MAML2: variants seen among roughly 807,000 people sequenced by gnomAD.
The protein encoded by MAML2 is mastermind-like protein 2.
Under a neutral mutation model 96.1 loss-of-function variants are expected in MAML2, and 22 were observed. The ratio of observed to expected loss-of-function variants is 0.23; its 90% CI spans 0.16 to 0.33. The LOEUF is 0.33. MAML2 is among the 10% of genes least tolerant of loss of function. The pLI, the probability that MAML2 is intolerant of heterozygous loss-of-function variation, is 1.00. For synonymous variants in MAML2, 561 were observed against 521.3 expected, an observed-to-expected ratio of 1.08 and a Z score of -1.04; for missense variants, 1,367 against 1,392.4, an observed-to-expected ratio of 0.98 and a Z score of 0.29.
intron 1 of MAML2, among the ~76,000 whole-genome samples, chr11:96,299,055 AAAAAAATATATATATATAT>A (rs1863345509): frequency 1.1e-5 from 1 of 94,730 alleles, no homozygotes; most frequent in Non-Finnish European, 2.0e-5. Context: ...AAAAAAAAAA[AAAAAAATATATATATATAT>A]ATATATAAAA....
At chr11:96,015,947 G>T (rs1261832640) in intron 2 of MAML2, among the ~76,000 whole-genome samples, 1 of 151,996 alleles carries the variant, frequency 6.6e-6, no homozygotes, top group African/African-American at 2.4e-5. Flanking sequence ...ATAAAGGAAA[G>T]AATGAAATTT....
chr11:95,979,632 A>C lies in MAML2; in HGVS notation c.2787T>G (p.Ser929=). 1 of 1,614,012 alleles carries C rather than the reference A, an allele frequency of 6.2e-7. No individual in the cohort carries two copies. The highest frequency in any genetic ancestry group is 8.5e-7 in the Non-Finnish European group (1 of 1,179,898). The part of the protein sequence containing the change: ...NNNVATFGAG[S]VGNSQQLRPN... Reference sequence around the variant, plus strand: ...GTCTCAATTGTTGTGAATTACCAACAGATCCAGCTCCAAAAGTGGCTACAT... The same window carrying C: ...GTCTCAATTGTTGTGAATTACCAACCGATCCAGCTCCAAAAGTGGCTACAT... Residue 929 remains serine (S), a synonymous_variant, in exon 5 of 5, where the codon TCT becomes TCG. Transcript: ENST00000524717.
At chr11:96,270,670 CT>C (rs747373009) in intron 1 of MAML2, among the ~76,000 whole-genome samples, 2 of 152,128 alleles carry the variant, frequency 1.3e-5, no homozygotes, top group Non-Finnish European at 2.9e-5. Context: ...CTCCTCCTGT[CT>C]TTTTAAAAAC....
chr11:96,231,271 G>A (rs888240467), intron 1 of MAML2, among the ~76,000 whole-genome samples: 4 of 141,684 alleles, frequency 2.8e-5, no homozygotes, highest in African/African-American at 1.1e-4. Flanking sequence ...TTACACACCT[G>A]TCTTTTAAAT....
At chr11:96,183,405 C>T (rs867545794) in intron 1 of MAML2, among the ~76,000 whole-genome samples, 164 of 9,966 alleles carry the variant, frequency 0.016, 1 homozygote, top group South Asian at 0.053. Context: ...CCCCCCCCCC[C>T]TTTCTTTTGA....
chr11:96,032,750 G>C (rs888341187), intron 2 of MAML2, among the ~76,000 whole-genome samples: 2 of 152,122 alleles, frequency 1.3e-5, no homozygotes, highest in Non-Finnish European at 2.9e-5. Flanking sequence ...AAATCACAAG[G>C]TTGACTCTCA....
chr11:96,220,386 A>G (rs1453595932), intron 1 of MAML2, among the ~76,000 whole-genome samples: 1 of 152,146 alleles, frequency 6.6e-6, no homozygotes, highest in African/African-American at 2.4e-5. Context: ...TTGTTTCCCT[A>G]GTGGCACCGG....
chr11:96,104,879 C>A (rs374560476), intron 1 of MAML2, among the ~76,000 whole-genome samples: 30 of 152,106 alleles, frequency 2.0e-4, no homozygotes, highest in African/African-American at 6.0e-4. Context: ...GAAAACTTTC[C>A]AATTCCTAAT....
intron 1 of MAML2, among the ~76,000 whole-genome samples, chr11:96,162,869 A>AT (rs1861135290): frequency 6.6e-6 from 1 of 152,178 alleles, no homozygotes; most frequent in African/African-American, 2.4e-5. Context: ...GCATAGTTTG[A>AT]TTAAATGACC....
At chr11:96,221,316 T>C (rs559921082) in intron 1 of MAML2, among the ~76,000 whole-genome samples, 1 of 152,142 alleles carries the variant, frequency 6.6e-6, no homozygotes, top group Non-Finnish European at 1.5e-5. Context: ...TTAATAACTT[T>C]AAAGTCATTC....
intron 1 of MAML2, among the ~76,000 whole-genome samples, chr11:96,276,637 T>C (rs1416609882): frequency 6.6e-6 from 1 of 151,896 alleles, no homozygotes; most frequent in Non-Finnish European, 1.5e-5. Context: ...GCTTTTTGGA[T>C]CCACGTAGTT....
intron 1 of MAML2, among the ~76,000 whole-genome samples, chr11:96,340,630 T>C (rs1183637307): frequency 6.6e-6 from 1 of 152,220 alleles, no homozygotes; most frequent in Non-Finnish European, 1.5e-5. Flanking sequence ...TTTCCTAGGA[T>C]GATGATCTGT....
chr11:96,199,266 T>C (rs1171270841), intron 1 of MAML2, among the ~76,000 whole-genome samples: 10 of 150,684 alleles, frequency 6.6e-5, no homozygotes, highest in Non-Finnish European at 1.5e-4. Context: ...TATTTTCTCC[T>C]TCTTCCCAGC....
intron 1 of MAML2, among the ~76,000 whole-genome samples, chr11:96,224,065 C>T (rs12421433): frequency 0.16 from 23,925 of 152,176 alleles, 2,010 homozygotes; most frequent in Non-Finnish European, 0.19. Flanking sequence ...ACTTGTCATT[C>T]TGCCACTCAC....
rs766230423 is a variant in MAML2, at chr11:96,092,696, C to T, written c.1335G>A (p.Gln445=). ...GCTGGTGCTGCTGCATCCGGGCATG[C>T]TGCTGACGATTAGCAGCTATCTGTT... ...QLKQIAANRQ[Q]HARMQQHQQQ... Residue 445 remains glutamine (Q), a synonymous_variant, in exon 2 of 5, where the codon CAG becomes CAA. Transcript: ENST00000524717. This position sits in a 1 kb window ranked among gnomAD's most constrained non-coding sequence, Gnocchi z 4.1. 6.2e-7 allele frequency: 1 copy of T among 1,614,000 alleles called. No individual in the cohort carries two copies. The highest frequency in any genetic ancestry group is 1.1e-5 in the South Asian group (1 of 91,084).
intron 1 of MAML2, among the ~76,000 whole-genome samples, chr11:96,196,038 C>A (rs1861725717): frequency 6.6e-6 from 1 of 152,164 alleles, no homozygotes; most frequent in African/African-American, 2.4e-5. Flanking sequence ...TAAAATGTAT[C>A]ATTTCCTTGC....
At position 96,105,828 on chromosome 11, in the gene MAML2, G is replaced by A. The variant is rs116183994; in HGVS notation, c.514-12311C>T. On this transcript the variant is annotated intron_variant, in intron 1 of 4. Transcript: ENST00000524717. ...CATCTAAGGGGAAATTGCCTAACTA[G>A]CTCTATGAAATATGAAGAAGTTTAC... Among the ~76,000 whole-genome samples, 582 of 151,510 alleles carry A rather than the reference G, an allele frequency of 3.8e-3. 7 individuals are homozygous for A. Among genetic ancestry groups the A allele is most frequent in the African/African-American group, 0.013 (551 of 41,286 alleles).
chr11:96,293,509 A>T (rs951332535), intron 1 of MAML2, among the ~76,000 whole-genome samples: 12 of 152,190 alleles, frequency 7.9e-5, no homozygotes, highest in Non-Finnish European at 1.3e-4. Context: ...GCATATTAAG[A>T]TAACTATAAA....
At position 96,092,537 on chromosome 11, in the gene MAML2, A is replaced by G. The variant is rs1410153914; in HGVS notation, c.1494T>C (p.Pro498=). The G allele has an allele frequency of 6.3e-7, 1 of 1,598,566 alleles. No individual in the cohort carries two copies. Among genetic ancestry groups the G allele is most frequent in the Non-Finnish European group, 8.5e-7 (1 of 1,170,250 alleles). Residue 498 remains proline (P), a synonymous_variant, in exon 2 of 5, where the codon CCT becomes CCC. Transcript: ENST00000524717. The surrounding 1 kb of genome is among the most constrained non-coding windows in gnomAD (Gnocchi z 4.1). ...QTFSPQSSPM[P]GVAGGSGQSK... Reference sequence around the variant, plus strand: ...ACTGGCCGCTGCCGCCAGCTACCCCAGGCATGGGGGAGCTCTGTGGGCTGA... The same window carrying G: ...ACTGGCCGCTGCCGCCAGCTACCCCGGGCATGGGGGAGCTCTGTGGGCTGA...
Sources: gnomAD v4.1 joint callset for allele counts (sites outside exome capture counted in the v4.1 genomes callset) on GRCh38, gnomAD v4.1.1 for gene constraint, Gnocchi (gnomAD v3.1) non-coding constraint, MANE v1.5 for transcripts, NCBI Gene and HGNC (gene_info 2026-07-23, HGNC 2026-07-21) for gene names.